DOCK2: variants seen among roughly 807,000 people sequenced by gnomAD.
DOCK2 encodes dedicator of cytokinesis 2.
A neutral mutation model predicts 248.9 loss-of-function variants in DOCK2; 87 were observed. That is an observed-to-expected ratio of 0.35 (90% CI 0.29 to 0.42). The LOEUF (loss-of-function observed/expected upper bound fraction) is 0.42. Among genes scored for constraint, DOCK2 ranks in the 10% least tolerant of loss-of-function variants. The pLI, the probability that DOCK2 is intolerant of heterozygous loss-of-function variation, is 1.00. For synonymous variants in DOCK2, 805 were observed against 821.6 expected (o/e 0.98, Z 0.35); for missense variants, 1,747 against 2,300.2 (o/e 0.76, Z 4.92).
intron 27 of DOCK2, among the ~76,000 whole-genome samples, chr5:169,941,894 G>A (rs1221746899): frequency 1.3e-5 from 2 of 152,156 alleles, no homozygotes; most frequent in Non-Finnish European, 2.9e-5. Context: ...GCTGCATCAG[G>A]AACTCTGTCA....
intron 26 of DOCK2, among the ~76,000 whole-genome samples, chr5:169,808,483 T>C (rs561297569): frequency 1.3e-5 from 2 of 152,114 alleles, no homozygotes; most frequent in South Asian, 4.2e-4. Context: ...TTAATCATAG[T>C]GTTGAATTCC....
chr5:169,703,825 C>T (rs1233949746), intron 14 of DOCK2: 2 of 152,176 alleles, frequency 1.3e-5, no homozygotes. Flanking sequence ...TTGCAATTCC[C>T]AAATGTAGAG....
intron 27 of DOCK2, among the ~76,000 whole-genome samples, chr5:169,853,273 G>A (rs1770709078): frequency 6.6e-6 from 1 of 152,138 alleles, no homozygotes; most frequent in Non-Finnish European, 1.5e-5. Flanking sequence ...GTGTTTCTTA[G>A]CAGCAGGAAA....
At chr5:169,830,684 C>A (rs940836712) in intron 26 of DOCK2, among the ~76,000 whole-genome samples, 2 of 152,156 alleles carry the variant, frequency 1.3e-5, no homozygotes, top group African/African-American at 4.8e-5. Context: ...TAATAAAAAC[C>A]CTTGCAAAGC....
At chr5:169,673,839 C>T (rs1041689866) in intron 5 of DOCK2, among the ~76,000 whole-genome samples, 1 of 152,140 alleles carries the variant, frequency 6.6e-6, no homozygotes, top group African/African-American at 2.4e-5. Flanking sequence ...GTTGTTTGAC[C>T]TTGTATCTTT....
intron 10 of DOCK2, among the ~76,000 whole-genome samples, chr5:169,696,792 G>C (rs988460108): frequency 6.6e-5 from 10 of 151,594 alleles, no homozygotes; most frequent in African/African-American, 1.7e-4. Flanking sequence ...TTGCAAAGCG[G>C]TGGAGTGGAG....
chr5:170,076,211 C>A, intron 47 of DOCK2, 127 bp downstream of exon 47: 1 of 1,372,612 alleles, frequency 7.3e-7, no homozygotes, highest in Non-Finnish European at 9.8e-7. Flanking sequence ...TAATGATGGC[C>A]AGCATTGCTG....
intron 27 of DOCK2, among the ~76,000 whole-genome samples, chr5:169,954,089 C>A (rs924088381): frequency 6.6e-6 from 1 of 152,148 alleles, no homozygotes; most frequent in African/African-American, 2.4e-5. Flanking sequence ...AGATTTCACC[C>A]CACATTTTAT....
chr5:169,689,133 C>A, intron 8 of DOCK2, 119 bp from the exon 9 acceptor site: 2 of 865,576 alleles, frequency 2.3e-6, no homozygotes, highest in Admixed American at 2.2e-5. Flanking sequence ...TTCTTAAACA[C>A]CTGCATACCC....
At chr5:169,973,160 A>ACCCGATGT (rs1210047733) in intron 27 of DOCK2, among the ~76,000 whole-genome samples, 11 of 152,268 alleles carry the variant, frequency 7.2e-5, no homozygotes, top group African/African-American at 2.6e-4. Flanking sequence ...TGGCTTGGTC[A>ACCCGATGT]CCCGATGTTC....
At chr5:170,082,048 A>G in intron 51 of DOCK2, 64 bp downstream of exon 51, 1 of 1,582,086 alleles carries the variant, frequency 6.3e-7, no homozygotes. Flanking sequence ...AGAGCAATGC[A>G]GAGAGAAGAA....
At chr5:169,709,441 C>G (rs1402778254) in intron 15 of DOCK2, among the ~76,000 whole-genome samples, 1 of 152,202 alleles carries the variant, frequency 6.6e-6, no homozygotes, top group African/African-American at 2.4e-5. Flanking sequence ...TGGCTCATGC[C>G]TGTAATCCCA....
intron 27 of DOCK2, among the ~76,000 whole-genome samples, chr5:169,878,644 A>C (rs1348783429): frequency 6.6e-6 from 1 of 152,352 alleles, no homozygotes; most frequent in African/African-American, 2.4e-5. Context: ...GGATTGAAAT[A>C]AATTTGAAAA....
At chr5:170,065,749 C>G (rs562518352) in intron 44 of DOCK2, among the ~76,000 whole-genome samples, 4 of 152,112 alleles carry the variant, frequency 2.6e-5, no homozygotes, top group Non-Finnish European at 5.9e-5. Context: ...ATGGGAAAGA[C>G]CTGCCCCCAT....
rs60140740 is a variant in DOCK2 at position 169,800,944 on chromosome 5, C to CTTTTT, written c.2555-2089_2555-2085dup. ...TTTTTCTTTTTTCTTTTCTTTCTTT[C>CTTTTT]TTTTTTTTTTTTTTTTTTTTTTTTT... On this transcript the variant is annotated intron_variant, in intron 25 of 51. Coordinates refer to ENST00000520908, the MANE Select transcript of DOCK2 (RefSeq NM_004946.3). Among the ~76,000 whole-genome samples the CTTTTT allele has an allele frequency of 4.8e-3, 255 of 53,194 alleles. 4 individuals are homozygous for CTTTTT. Among genetic ancestry groups the CTTTTT allele is most frequent in the African/African-American group, 8.7e-3 (62 of 7,142 alleles). The allele number at this position is 53,194 out of a possible 152,430, so 34.9% of individuals were successfully genotyped here. A position where few individuals can be genotyped will look rare whatever the true frequency, so the allele number is the denominator to read the frequency against.
intron 27 of DOCK2, chr5:169,883,603 G>A: frequency 6.4e-7 from 1 of 1,551,666 alleles, no homozygotes. Context: ...ACTGGGGGAA[G>A]TTTGGATTGC....
chr5:169,664,431 C>T (rs543626588), intron 2 of DOCK2, among the ~76,000 whole-genome samples: 2 of 152,348 alleles, frequency 1.3e-5, no homozygotes, highest in South Asian at 4.1e-4. Flanking sequence ...TCCAGATTTT[C>T]AGGCATCTTA....
At chr5:169,822,034 A>C (rs969329934) in intron 26 of DOCK2, among the ~76,000 whole-genome samples, 7 of 152,228 alleles carry the variant, frequency 4.6e-5, no homozygotes, top group Admixed American at 2.0e-4. Context: ...GCCATTACAT[A>C]ATGGTAAAGG....
intron 27 of DOCK2, among the ~76,000 whole-genome samples, chr5:169,906,430 TAA>T (rs1774283789): frequency 3.3e-5 from 5 of 152,240 alleles, no homozygotes; most frequent in Non-Finnish European, 7.3e-5. Context: ...TCCCCACTTC[TAA>T]CATAGGAGCA....
Sources: gnomAD v4.1 joint callset for allele counts (sites outside exome capture counted in the v4.1 genomes callset) on GRCh38, gnomAD v4.1.1 for gene constraint, MANE v1.5 for transcripts, NCBI Gene and HGNC (gene_info 2026-07-23, HGNC 2026-07-21) for gene names.